CACNA1B: variants seen among roughly 807,000 people sequenced by gnomAD.
CACNA1B encodes voltage-dependent N-type calcium channel subunit alpha-1B.
In CACNA1B, 70 loss-of-function variants were observed where a neutral mutation model predicts 247.2. The observed-to-expected ratio is 0.28, with a 90% CI of 0.23 to 0.35. CACNA1B has a LOEUF of 0.35. Ranked by LOEUF, CACNA1B falls within the 10% of genes least tolerant of loss-of-function variation. CACNA1B has a pLI of 1.00. For missense variants in CACNA1B, 2,367 were observed against 3,197.4 expected, an observed-to-expected ratio of 0.74 and a Z score of 6.26; for synonymous variants, 1,231 against 1,294.4, an observed-to-expected ratio of 0.95 and a Z score of 1.05.
chr9:137,907,096 G>A (rs1957308028), intron 3 of CACNA1B, among the ~76,000 whole-genome samples: 1 of 152,194 alleles, frequency 6.6e-6, no homozygotes, highest in Non-Finnish European at 1.5e-5. Context: ...CGCTGTGTGT[G>A]TATCCATAAA....
At chr9:138,084,816 G>A (rs1321738457) in intron 36 of CACNA1B, among the ~76,000 whole-genome samples, 3 of 150,798 alleles carry the variant, frequency 2.0e-5, no homozygotes, top group African/African-American at 7.4e-5. Flanking sequence ...GCCGGGCGCG[G>A]TGGTGGGCGC....
chr9:138,071,312 C>G (rs1035945614), intron 32 of CACNA1B, among the ~76,000 whole-genome samples: 1 of 152,168 alleles, frequency 6.6e-6, no homozygotes, highest in African/African-American at 2.4e-5. Context: ...AAGGGCCTGG[C>G]CTTGAAGTAG....
intron 3 of CACNA1B, among the ~76,000 whole-genome samples, chr9:137,906,782 T>C (rs1957304899): frequency 6.6e-6 from 1 of 152,114 alleles, no homozygotes; most frequent in Non-Finnish European, 1.5e-5. Context: ...TTAACATATG[T>C]ATTCCTCTGC....
At chr9:138,016,849 T>A (rs1159442540) in intron 18 of CACNA1B, among the ~76,000 whole-genome samples, 3 of 152,250 alleles carry the variant, frequency 2.0e-5, no homozygotes, top group African/African-American at 7.2e-5. Context: ...GGGCAGTGTG[T>A]GCTGAGTGAT....
At position 138,073,571 on chromosome 9, in the gene CACNA1B, C is replaced by A. The variant is rs760015359; in HGVS notation, c.4758C>A (p.Arg1586=). 1 of 1,611,938 alleles carries A rather than the reference C, an allele frequency of 6.2e-7. No homozygotes were observed. Among genetic ancestry groups the A allele is most frequent in the South Asian group, 1.1e-5 (1 of 91,048 alleles). ...TGCTCCGCCAGGGCTACACCATCCG[C>A]ATCCTGCTGTGGACCTTTGTCCAGT... The part of the protein sequence containing the change: ...IKLLRQGYTI[R]ILLWTFVQSF... The change falls in exon 33 of 47, where the codon CGC becomes CGA. Residue 1586 remains arginine, a synonymous_variant. Coordinates refer to ENST00000371372, the MANE Select transcript of CACNA1B (RefSeq NM_000718.4). This position sits in a 1 kb window ranked among gnomAD's most constrained non-coding sequence, Gnocchi z 6.4.
chr9:137,879,712 C>T (rs1430588501), intron 2 of CACNA1B, among the ~76,000 whole-genome samples: 1 of 152,182 alleles, frequency 6.6e-6, no homozygotes, highest in Admixed American at 6.5e-5. Context: ...AGCCAAGAGG[C>T]CCCCGTGGTA....
intron 36 of CACNA1B, among the ~76,000 whole-genome samples, chr9:138,090,701 C>CAAAAAAAAAAAAAAAAAA (rs1173964720): frequency 3.6e-4 from 6 of 16,594 alleles, no homozygotes; most frequent in East Asian, 5.6e-3. Context: ...AACCCATCAG[C>CAAAAAAAAAAAAAAAAAA]AAAAAAAAAA....
intron 3 of CACNA1B, among the ~76,000 whole-genome samples, chr9:137,903,199 C>T (rs866394096): frequency 1.8e-4 from 27 of 152,042 alleles, no homozygotes; most frequent in Middle Eastern, 6.8e-3. Context: ...ATGGTCAACA[C>T]GGTGAAACCC....
chr9:138,113,600 C>A (rs1420210666), intron 40 of CACNA1B, among the ~76,000 whole-genome samples: 1 of 100,586 alleles, frequency 9.9e-6, no homozygotes, highest in Non-Finnish European at 2.0e-5. Context: ...GAGGGAGTGC[C>A]GGGAGGTGCC....
Position 138,012,967 on chromosome 9 carries a change from G to A in CACNA1B, c.2161-162G>A, listed in dbSNP as rs1220991337. ...AGCTCCTGTGGAACAGGTCGTGGGG[G>A]GCCACATTCACTCAGGGGTTGGCTG... On this transcript the variant is annotated intron_variant, in intron 17 of 46. Transcript: ENST00000371372. The surrounding 1 kb of genome is among the most constrained non-coding windows in gnomAD (Gnocchi z 4.2). 1.3e-5 allele frequency among the ~76,000 whole-genome samples: 2 copies of A among 152,074 alleles called. No individual in the cohort carries two copies. The highest frequency in any genetic ancestry group is 2.9e-5 in the Non-Finnish European group (2 of 68,028).
intron 3 of CACNA1B, among the ~76,000 whole-genome samples, chr9:137,908,627 T>C (rs1473385674): frequency 6.6e-6 from 1 of 152,166 alleles, no homozygotes; most frequent in African/African-American, 2.4e-5. Context: ...ATTAAATTTT[T>C]AATTATTATT....
In CACNA1B at chr9:138,122,095, G is replaced by A; in HGVS notation, c.*96G>A. ...ACGGGGCAGCCGGCCCTCGGGGGAG[G>A]CCTTGCCCACCTTGGTGAGGCTCCT... On this transcript the variant is annotated 3_prime_UTR_variant, in exon 47 of 47. Transcript: ENST00000371372. The A allele has an allele frequency of 1.7e-6, 2 of 1,179,270 alleles. No homozygotes were observed. The highest frequency in any genetic ancestry group is 1.6e-5 in the South Asian group (1 of 64,510). 73.1% of individuals were successfully genotyped at this position (1,179,270 alleles called of 1,614,324 possible). A position where few individuals can be genotyped will look rare whatever the true frequency, so the allele number is the denominator to read the frequency against.
chr9:138,040,538 G>T (rs1959105840), intron 20 of CACNA1B: 1 of 425,962 alleles, frequency 2.3e-6, no homozygotes, highest in Non-Finnish European at 4.7e-6. Flanking sequence ...TAACTTACAT[G>T]ATCACAAGGT....
chr9:138,032,324 G>GTAAT (rs1958997251), intron 20 of CACNA1B, among the ~76,000 whole-genome samples: 1 of 151,966 alleles, frequency 6.6e-6, no homozygotes, highest in Non-Finnish European at 1.5e-5. Flanking sequence ...CATTTGTAAT[G>GTAAT]TAATTGTCTT....
rs1328217762 is a variant in CACNA1B, at chr9:138,020,046, G to A, written c.2268-2965G>A. Among the ~76,000 whole-genome samples, 1 of 147,650 alleles carries A rather than the reference G, an allele frequency of 6.8e-6. No individual in the cohort carries two copies. The highest frequency in any genetic ancestry group is 1.5e-5 in the Non-Finnish European group (1 of 67,586). ...CGGGAGGCAGAGGTTGCAGTGAGCC[G>A]TGATCACACCACTGCACTCCAGCCT... On this transcript the variant is annotated intron_variant, in intron 18 of 46. Coordinates refer to ENST00000371372, the MANE Select transcript of CACNA1B (RefSeq NM_000718.4). The surrounding 1 kb of genome is among the most constrained non-coding windows in gnomAD (Gnocchi z 4.1).
chr9:137,949,566 G>A (rs930869616), intron 6 of CACNA1B, among the ~76,000 whole-genome samples: 4 of 152,008 alleles, frequency 2.6e-5, no homozygotes, highest in Admixed American at 2.6e-4. Flanking sequence ...GATTTATCAT[G>A]AGGAACTGGC....
In CACNA1B at chr9:138,124,316, T is replaced by G. The variant is rs182820104; in HGVS notation, c.*2317T>G. The G allele has an allele frequency of 8.7e-4, 133 of 152,312 alleles. No individual in the cohort carries two copies. Among genetic ancestry groups the G allele is most frequent in the Admixed American group, 6.9e-3 (106 of 15,290 alleles). The allele number at this position is 152,312 out of a possible 1,614,324, so 9.4% of individuals were successfully genotyped here. A position where few individuals can be genotyped will look rare whatever the true frequency, so the allele number is the denominator to read the frequency against. On this transcript the variant is annotated 3_prime_UTR_variant, in exon 47 of 47. Coordinates refer to ENST00000371372, the MANE Select transcript of CACNA1B (RefSeq NM_000718.4). ...TACATATATACAAGTATGTGCATGA[T>G]AATGTATATCTTCGTACTTTTTGAT...
chr9:138,106,130 C>T (rs536393246), intron 39 of CACNA1B, among the ~76,000 whole-genome samples: 4 of 152,324 alleles, frequency 2.6e-5, no homozygotes, highest in African/African-American at 9.6e-5. Context: ...ACAGCCAGCG[C>T]CCTCCCTGGG....
chr9:138,088,382 T>A (rs1328869342), intron 36 of CACNA1B, among the ~76,000 whole-genome samples: 2 of 151,018 alleles, frequency 1.3e-5, no homozygotes, highest in African/African-American at 4.9e-5. Flanking sequence ...AAAAAAAAAA[T>A]TGTTTTTTTG....
Sources: allele counts gnomAD v4.1 joint callset (sites outside exome capture counted in the v4.1 genomes callset), GRCh38; gene constraint gnomAD v4.1.1; non-coding constraint Gnocchi (gnomAD v3.1); transcripts MANE v1.5; gene names NCBI Gene and HGNC (gene_info 2026-07-23, HGNC 2026-07-21).